ANKRD11: variants seen among roughly 807,000 people sequenced by gnomAD.
ANKRD11 encodes the protein ankyrin repeat domain 11.
ANKRD11 carries 17 observed loss-of-function variants against 195.7 expected under a neutral mutation model. The observed-to-expected ratio is 0.09, with a 90% CI of 0.06 to 0.13. ANKRD11 has a LOEUF of 0.13. Among genes scored for constraint, ANKRD11 ranks in the 10% least tolerant of loss-of-function variants. ANKRD11 has a pLI of 1.00. For synonymous variants in ANKRD11, 1,953 were observed against 1,528.1 expected, an observed-to-expected ratio of 1.28 and a Z score of -6.49; for missense variants, 3,735 against 3,566.1, an observed-to-expected ratio of 1.05 and a Z score of -1.21.
At chr16:89,268,819 TTAC>T (rs1007679539) in intron 12 of ANKRD11, among the ~76,000 whole-genome samples, 156 bp from the exon 13 acceptor site, 14 of 152,212 alleles carry the variant, frequency 9.2e-5, no homozygotes, top group African/African-American at 3.4e-4. Flanking sequence ...TGGCATCTAG[TTAC>T]TACACGTGGC....
At chr16:89,311,400 C>G (rs369054996) in intron 3 of ANKRD11, among the ~76,000 whole-genome samples, 6 of 152,292 alleles carry the variant, frequency 3.9e-5, no homozygotes, top group African/African-American at 1.4e-4. Context: ...AGTACTAACA[C>G]AACAACTGTC....
chr16:89,278,928 G>A (rs749979180), intron 9 of ANKRD11, 144 bp downstream of exon 9: 5 of 1,321,300 alleles, frequency 3.8e-6, no homozygotes, highest in East Asian at 2.5e-5. Flanking sequence ...AGCAGAAGTG[G>A]GGCTGTGTCT....
chr16:89,349,267 G>A (rs374490841), intron 2 of ANKRD11, among the ~76,000 whole-genome samples: 7 of 150,788 alleles, frequency 4.6e-5, no homozygotes, highest in East Asian at 3.9e-4. Context: ...AGTGGCTCAC[G>A]CCTGTAATCC....
chr16:89,414,858 C>T (rs936818388), intron 2 of ANKRD11, among the ~76,000 whole-genome samples: 2 of 152,226 alleles, frequency 1.3e-5, no homozygotes, highest in African/African-American at 4.8e-5. Flanking sequence ...CTCATCTCAA[C>T]GGCTCACATT....
intron 4 of ANKRD11, among the ~76,000 whole-genome samples, chr16:89,302,151 A>G (rs3102344): frequency 6.6e-6 from 1 of 152,126 alleles, no homozygotes; most frequent in African/African-American, 2.4e-5. Flanking sequence ...CTGAGCAAGA[A>G]CGGCTCCTCT....
At chr16:89,405,661 C>CGA (rs1406605352) in intron 2 of ANKRD11, among the ~76,000 whole-genome samples, 2 of 152,104 alleles carry the variant, frequency 1.3e-5, no homozygotes, top group African/African-American at 4.8e-5. Context: ...ATCAGCCTTC[C>CGA]TGACTGCTGC....
At chr16:89,337,429 CTTTTTTTTTTTTTT>C (rs1165680827) in intron 2 of ANKRD11, among the ~76,000 whole-genome samples, 2 of 53,118 alleles carry the variant, frequency 3.8e-5, no homozygotes, top group Admixed American at 5.0e-4. Flanking sequence ...CTAAGCAATT[CTTTTTTTTTTTTTT>C]TTTTTTTTTT....
chr16:89,316,508 AGTGGT>A (rs2036966993), intron 3 of ANKRD11, among the ~76,000 whole-genome samples: 1 of 152,242 alleles, frequency 6.6e-6, no homozygotes. Context: ...AATAAAATGC[AGTGGT>A]TTTGATTGGC....
chr16:89,481,543 C>G (rs1402169023), intron 1 of ANKRD11, among the ~76,000 whole-genome samples: 1 of 152,140 alleles, frequency 6.6e-6, no homozygotes. Context: ...AGTGACAGAG[C>G]AAGACCTTGT....
chr16:89,376,350 C>T (rs1448517592), intron 2 of ANKRD11, among the ~76,000 whole-genome samples: 1 of 152,224 alleles, frequency 6.6e-6, no homozygotes, highest in Non-Finnish European at 1.5e-5. Context: ...ACAGGAGAAG[C>T]AGCTTCTGCC....
At chr16:89,426,529 T>TCACACACACACACACACACACACACA (rs55664494) in intron 1 of ANKRD11, among the ~76,000 whole-genome samples, 2 of 142,356 alleles carry the variant, frequency 1.4e-5, no homozygotes, top group South Asian at 2.4e-4. Flanking sequence ...CACTTAAACA[T>TCACACACACACACACACACACACACA]CACACACACA....
chr16:89,414,616 T>C (rs1288191058), intron 2 of ANKRD11, among the ~76,000 whole-genome samples: 1 of 152,220 alleles, frequency 6.6e-6, no homozygotes, highest in Non-Finnish European at 1.5e-5. Flanking sequence ...CCGTGACCAC[T>C]GTCCTGGGTA....
chr16:89,305,065 T>C, intron 4 of ANKRD11, 141 bp downstream of exon 4: 2 of 1,325,636 alleles, frequency 1.5e-6, no homozygotes, highest in Non-Finnish European at 2.0e-6. Flanking sequence ...CCGCCCCTGC[T>C]GCCTCTTGCC....
chr16:89,467,108 T>A (rs4572400), intron 1 of ANKRD11, among the ~76,000 whole-genome samples: 81,844 of 151,912 alleles, frequency 0.54, 22,319 homozygotes, highest in Middle Eastern at 0.67. Context: ...GACCACATAA[T>A]CTTTTATTGA....
intron 1 of ANKRD11, among the ~76,000 whole-genome samples, chr16:89,443,866 G>C (rs1328084429): frequency 6.6e-6 from 1 of 152,226 alleles, no homozygotes; most frequent in Non-Finnish European, 1.5e-5. Flanking sequence ...TGGGAGGGCA[G>C]GGGCTTGTCT....
intron 1 of ANKRD11, among the ~76,000 whole-genome samples, chr16:89,438,540 C>T (rs537116701): frequency 2.0e-5 from 3 of 152,154 alleles, no homozygotes; most frequent in Non-Finnish European, 4.4e-5. Flanking sequence ...CTAGGTTGGG[C>T]CAGGCTGGTC....
chr16:89,419,324 G>C (rs1314670065), intron 1 of ANKRD11, among the ~76,000 whole-genome samples: 1 of 151,854 alleles, frequency 6.6e-6, no homozygotes, highest in African/African-American at 2.4e-5. Flanking sequence ...GTGGTGGCTT[G>C]TACCTGTAAC....
chr16:89,406,724 G>A (rs1002985602), intron 2 of ANKRD11, among the ~76,000 whole-genome samples: 1 of 152,182 alleles, frequency 6.6e-6, no homozygotes, highest in Non-Finnish European at 1.5e-5. Flanking sequence ...ATGGACCTCA[G>A]TGCCTCCTTC....
Position 89,305,328 on chromosome 16 carries a change from G to T in ANKRD11, c.104C>A (p.Ser35Tyr), listed in dbSNP as rs376244874. The change falls in exon 4 of 13, where the codon TCT (serine) becomes TAT (tyrosine). Residue 35 changes from serine (S) to tyrosine (Y), a missense_variant. By Grantham distance (144) the Ser-to-Tyr change is moderately radical (BLOSUM62 -2). Coordinates refer to ENST00000301030, the MANE Select transcript of ANKRD11 (RefSeq NM_013275.6). The stretch of plus-strand genomic sequence containing the variant: ...CTCCAGTTTTGGGGTCTTGGTTAGA[G>T]AAACTTTATCTTTATCCTAGAAAAG... ...QTGKKDKDKV[S>Y]LTKTPKLERG... The T allele has an allele frequency of 1.9e-6, 3 of 1,613,878 alleles. No homozygotes were observed. The highest frequency in any genetic ancestry group is 2.5e-6 in the Non-Finnish European group (3 of 1,179,916).
Sources: gnomAD v4.1 joint callset for allele counts (sites outside exome capture counted in the v4.1 genomes callset) on GRCh38, gnomAD v4.1.1 for gene constraint, MANE v1.5 for transcripts, NCBI Gene and HGNC (gene_info 2026-07-23, HGNC 2026-07-21) for gene names.